PLEKHB2: variants seen among roughly 807,000 people sequenced by gnomAD.
PLEKHB2 encodes the protein pleckstrin homology domain-containing family B member 2.
PLEKHB2 carries 31 observed loss-of-function variants against 36.5 expected under a neutral mutation model. The observed-to-expected ratio is 0.85, with a 90% CI of 0.64 to 1.15. The LOEUF is 1.15. Ranked by LOEUF, PLEKHB2 falls within the 50% of genes most tolerant of loss-of-function variation. PLEKHB2 has a pLI of 0.00. For missense variants in PLEKHB2, 262 were observed against 295.3 expected (o/e 0.89, Z 0.83); for synonymous variants, 119 against 112.0 (o/e 1.06, Z -0.39).
At chr2:131,108,717 G>T (rs935044784) in intron 1 of PLEKHB2, among the ~76,000 whole-genome samples, 3 of 152,234 alleles carry the variant, frequency 2.0e-5, no homozygotes, top group African/African-American at 7.2e-5. Flanking sequence ...CTGGGGCCAT[G>T]AGTTGGACAA....
chr2:131,137,137 C>T lies in PLEKHB2; in HGVS notation c.424-3030C>T, dbSNP rs369391110. Among the ~76,000 whole-genome samples the T allele has an allele frequency of 4.4e-4, 65 of 149,252 alleles. 2 individuals are homozygous for T. In the East Asian group the frequency reaches 5.2e-3, roughly 12 times the overall value. On this transcript the variant is annotated intron_variant, in intron 6 of 7. Coordinates refer to ENST00000693505, the MANE Select transcript of PLEKHB2 (RefSeq NM_001100623.2). The stretch of plus-strand genomic sequence containing the variant: ...AATTTTTTTGTATTTTTAGTAGAGA[C>T]GGGGTTTCACTGTGTTAGCCAGGAC...
At chr2:131,132,869 T>G in intron 5 of PLEKHB2, 33 bp from the exon 6 acceptor site, 1 of 1,224,808 alleles carries the variant, frequency 8.2e-7, no homozygotes, top group Admixed American at 1.7e-5. Flanking sequence ...GCTGGGAAGC[T>G]GTCCTGTCCT....
chr2:131,121,725 T>C (rs1339262259), intron 2 of PLEKHB2, among the ~76,000 whole-genome samples: 1 of 152,130 alleles, frequency 6.6e-6, no homozygotes, highest in African/African-American at 2.4e-5. Flanking sequence ...TCTGAGGCAA[T>C]GAGTTCATCT....
intron 1 of PLEKHB2, chr2:131,120,615 G>A (rs954992325): frequency 2.7e-5 from 11 of 401,094 alleles, no homozygotes; most frequent in African/African-American, 2.2e-4. Context: ...AGCAAGCCAC[G>A]AGAATCCCCC....
chr2:131,115,826 T>G (rs1366183709), intron 1 of PLEKHB2, among the ~76,000 whole-genome samples: 1 of 152,238 alleles, frequency 6.6e-6, no homozygotes, highest in Non-Finnish European at 1.5e-5. Flanking sequence ...CTGAGTGGCT[T>G]CTTGATGCTT....
chr2:131,128,196 A>G (rs1287602556), intron 4 of PLEKHB2, among the ~76,000 whole-genome samples: 2 of 152,208 alleles, frequency 1.3e-5, no homozygotes, highest in East Asian at 1.9e-4. Flanking sequence ...ACCAGTTGAT[A>G]CCAGATTAGG....
intron 4 of PLEKHB2, 32 bp from the exon 5 acceptor site, chr2:131,130,689 C>T: frequency 1.3e-6 from 2 of 1,537,848 alleles, no homozygotes; most frequent in Non-Finnish European, 9.0e-7. Context: ...GTTGGATTGC[C>T]TTAAATAAAG....
At position 131,147,709 on chromosome 2, in the gene PLEKHB2, A is replaced by C. The variant is rs1699397910; in HGVS notation, c.*936A>C. 6.6e-6 allele frequency: 1 copy of C among 151,756 alleles called. No homozygotes were observed. The highest frequency in any genetic ancestry group is 2.1e-4 in the South Asian group (1 of 4,798). The allele number at this position is 151,756 out of a possible 1,614,324, so 9.4% of individuals were successfully genotyped here. A position where few individuals can be genotyped will look rare whatever the true frequency, so the allele number is the denominator to read the frequency against. The stretch of plus-strand genomic sequence containing the variant: ...GCTACTCGGGAGGCTGAGGCAGGAG[A>C]ATAGTGTGAACCCAGGAGGCGGAGC... On this transcript the variant is annotated 3_prime_UTR_variant, in exon 8 of 8. Transcript: ENST00000693505.
chr2:131,129,561 A>G (rs965225534), intron 4 of PLEKHB2, among the ~76,000 whole-genome samples: 4 of 151,842 alleles, frequency 2.6e-5, no homozygotes, highest in Admixed American at 1.3e-4. Context: ...CTAGAGTGCA[A>G]TGGTATAATC....
chr2:131,147,635 A>T lies in PLEKHB2; in HGVS notation c.*862A>T, dbSNP rs1185747993. On this transcript the variant is annotated 3_prime_UTR_variant, in exon 8 of 8. Transcript: ENST00000693505. ...AACACGGTGAAACCCCATCTCTACT[A>T]AAAATACAAAAAATTAGCTGGGCGT... The T allele has an allele frequency of 6.6e-6, 1 of 152,188 alleles. No homozygotes were observed. The highest frequency in any genetic ancestry group is 1.5e-5 in the Non-Finnish European group (1 of 68,120). The allele number at this position is 152,188 out of a possible 1,614,324, so 9.4% of individuals were successfully genotyped here.
At chr2:131,136,566 T>C (rs984229808) in intron 6 of PLEKHB2, among the ~76,000 whole-genome samples, 2 of 151,772 alleles carry the variant, frequency 1.3e-5, no homozygotes, top group Non-Finnish European at 2.9e-5. Context: ...TTATAGTGTT[T>C]GGTTTTCACA....
rs1699532929 is a variant in PLEKHB2, at chr2:131,149,536, AT to A, written c.*2767del. The A allele has an allele frequency of 6.6e-6, 1 of 152,220 alleles. No individual in the cohort carries two copies. The highest frequency in any genetic ancestry group is 6.5e-5 in the Admixed American group (1 of 15,280). 9.4% of individuals were successfully genotyped at this position (152,220 alleles called of 1,614,324 possible). ...TTGTGAACAAGGCCAGACTTTGCCC[AT>A]TTTAGGCTATCCAGGACTTAAGGTA... On this transcript the variant is annotated 3_prime_UTR_variant, in exon 8 of 8. Transcript: ENST00000693505.
intron 1 of PLEKHB2, among the ~76,000 whole-genome samples, chr2:131,112,648 A>G (rs571259468): frequency 1.4e-4 from 22 of 152,268 alleles, no homozygotes; most frequent in African/African-American, 5.1e-4. Flanking sequence ...AACATAAACT[A>G]TTGGTTGGCT....
At chr2:131,145,681 TTAA>T (rs1699214246) in intron 7 of PLEKHB2, among the ~76,000 whole-genome samples, 1 of 152,088 alleles carries the variant, frequency 6.6e-6, no homozygotes, top group Non-Finnish European at 1.5e-5. Context: ...AGGAGGAAAG[TTAA>T]CGCTATTAAT....
intron 1 of PLEKHB2, among the ~76,000 whole-genome samples, chr2:131,105,845 C>T (rs1197196718): frequency 6.6e-6 from 1 of 152,208 alleles, no homozygotes; most frequent in African/African-American, 2.4e-5. Context: ...CTGCTGCGGC[C>T]CGCCGCCTGG....
Position 131,147,292 on chromosome 2 carries a change from C to G in PLEKHB2, c.*519C>G. The G allele has an allele frequency of 6.6e-6, 1 of 152,316 alleles. No individual in the cohort carries two copies. Among genetic ancestry groups the G allele is most frequent in the East Asian group, 1.9e-4 (1 of 5,190 alleles). 9.4% of individuals were successfully genotyped at this position (152,316 alleles called of 1,614,324 possible). The stretch of plus-strand genomic sequence containing the variant: ...GGTGTGAGAGCCCCCGTCCTGCCCT[C>G]TGGGGCTCCACAGGCCCCTGGCAAG... On this transcript the variant is annotated 3_prime_UTR_variant, in exon 8 of 8. Transcript: ENST00000693505.
At chr2:131,126,477 A>G (rs1697119006) in intron 3 of PLEKHB2, among the ~76,000 whole-genome samples, 1 of 152,054 alleles carries the variant, frequency 6.6e-6, no homozygotes, top group Non-Finnish European at 1.5e-5. Flanking sequence ...AGTGAGCCGA[A>G]TATATTTTGT....
chr2:131,106,055 C>T (rs1468551503), intron 1 of PLEKHB2, among the ~76,000 whole-genome samples: 1 of 152,172 alleles, frequency 6.6e-6, no homozygotes, highest in Non-Finnish European at 1.5e-5. Flanking sequence ...CTTGGTGTAC[C>T]TTATCTTACA....
intron 7 of PLEKHB2, among the ~76,000 whole-genome samples, chr2:131,143,121 T>C (rs977079904): frequency 3.9e-5 from 6 of 152,198 alleles, no homozygotes; most frequent in African/African-American, 1.2e-4. Flanking sequence ...TGCAGACTAA[T>C]GTTAGTGCTC....
Sources: allele counts gnomAD v4.1 joint callset (sites outside exome capture counted in the v4.1 genomes callset), GRCh38; gene constraint gnomAD v4.1.1; transcripts MANE v1.5; gene names NCBI Gene and HGNC (gene_info 2026-07-23, HGNC 2026-07-21).